OPCML: variants seen among roughly 807,000 people sequenced by gnomAD.
OPCML encodes opioid-binding protein/cell adhesion molecule.
OPCML carries 13 observed loss-of-function variants against 37.8 expected under a neutral mutation model. That is an observed-to-expected ratio of 0.34 (90% confidence interval 0.22 to 0.55). The LOEUF is 0.55. Ranked by LOEUF, OPCML falls within the 20% of genes least tolerant of loss-of-function variation. OPCML has a pLI of 0.91. For missense variants in OPCML, 341 were observed against 435.6 expected, an observed-to-expected ratio of 0.78 and a Z score of 1.93; for synonymous variants, 176 against 168.8, an observed-to-expected ratio of 1.04 and a Z score of -0.33.
Position 132,688,867 on chromosome 11 carries a change from G to C in OPCML, c.147-31548C>G, listed in dbSNP as rs1294238288. Reference sequence around the variant, plus strand: ...CGGGAGGCTGAGGCAGGAGAATGGCGTGAACCCGGGAAGCGGAGCTTGCAG... The same window carrying C: ...CGGGAGGCTGAGGCAGGAGAATGGCCTGAACCCGGGAAGCGGAGCTTGCAG... On this transcript the variant is annotated intron_variant, in intron 2 of 7. Coordinates refer to ENST00000524381, the MANE Select transcript of OPCML (RefSeq NM_001012393.5). 3.6e-5 allele frequency among the ~76,000 whole-genome samples: 2 copies of C among 55,406 alleles called. 1 individual carries two copies. The highest frequency in any genetic ancestry group is 7.1e-5 in the Non-Finnish European group (2 of 28,120). 36.3% of individuals were successfully genotyped at this position (55,406 alleles called of 152,430 possible). A position where few individuals can be genotyped will look rare whatever the true frequency, so the allele number is the denominator to read the frequency against.
intron 1 of OPCML, among the ~76,000 whole-genome samples, chr11:133,324,814 A>G (rs910832175): frequency 6.6e-5 from 10 of 152,184 alleles, no homozygotes; most frequent in African/African-American, 2.2e-4. Flanking sequence ...ATGTATAAAT[A>G]TATATTCATA....
rs534656335 is a variant in OPCML, at chr11:132,685,163, C to T, written c.147-27844G>A. 1.3e-3 allele frequency among the ~76,000 whole-genome samples: 193 copies of T among 152,174 alleles called. 1 individual carries two copies. The highest frequency in any genetic ancestry group is 5.6e-3 in the South Asian group (27 of 4,822). On this transcript the variant is annotated intron_variant, in intron 2 of 7. Coordinates refer to ENST00000524381, the MANE Select transcript of OPCML (RefSeq NM_001012393.5). Reference sequence around the variant, plus strand: ...TACTCCTAATCAAGCTTTTTCTTGCCCTGTCATCTCCATGCCAATAGTCTA... The same window carrying T: ...TACTCCTAATCAAGCTTTTTCTTGCTCTGTCATCTCCATGCCAATAGTCTA...
intron 4 of OPCML, among the ~76,000 whole-genome samples, chr11:132,480,717 A>G (rs987875208): frequency 2.6e-5 from 4 of 152,206 alleles, no homozygotes; most frequent in African/African-American, 7.2e-5. Flanking sequence ...CCAATATTCA[A>G]CATTCTTAAA....
chr11:133,093,513 A>G (rs577010796), intron 1 of OPCML, among the ~76,000 whole-genome samples: 1 of 152,290 alleles, frequency 6.6e-6, no homozygotes, highest in Non-Finnish European at 1.5e-5. Flanking sequence ...GCACAAACGT[A>G]GGTAATTTAT....
At chr11:133,107,033 G>A (rs1949170168) in intron 1 of OPCML, among the ~76,000 whole-genome samples, 1 of 152,162 alleles carries the variant, frequency 6.6e-6, no homozygotes, top group African/African-American at 2.4e-5. Flanking sequence ...TGGAATCAGG[G>A]AAAACAAGGC....
At chr11:133,031,925 C>A (rs925983017) in intron 1 of OPCML, among the ~76,000 whole-genome samples, 3 of 152,166 alleles carry the variant, frequency 2.0e-5, no homozygotes, top group Admixed American at 6.5e-5. Flanking sequence ...CTCTTCTATG[C>A]CAAACACAGT....
At chr11:133,196,583 T>C (rs187948446) in intron 1 of OPCML, among the ~76,000 whole-genome samples, 1 of 152,320 alleles carries the variant, frequency 6.6e-6, no homozygotes, top group East Asian at 1.9e-4. Context: ...TGCCCCTTAA[T>C]AGCACTGCTC....
chr11:132,768,343 A>G (rs1946526521), intron 2 of OPCML, among the ~76,000 whole-genome samples: 1 of 152,134 alleles, frequency 6.6e-6, no homozygotes, highest in Non-Finnish European at 1.5e-5. Context: ...TCTCTACATG[A>G]CACTATCAAC....
At chr11:133,244,885 G>A (rs1371813732) in intron 1 of OPCML, among the ~76,000 whole-genome samples, 2 of 152,214 alleles carry the variant, frequency 1.3e-5, no homozygotes, top group East Asian at 1.9e-4. Flanking sequence ...ATAGCAGTGT[G>A]AGAATGGACT....
At chr11:133,226,380 C>T (rs1472260844) in intron 1 of OPCML, among the ~76,000 whole-genome samples, 1 of 152,234 alleles carries the variant, frequency 6.6e-6, no homozygotes, top group Non-Finnish European at 1.5e-5. Context: ...CCAGCCAGGA[C>T]AGAGCCCCCT....
chr11:133,353,082 G>T (rs964228861), intron 1 of OPCML, among the ~76,000 whole-genome samples: 7 of 152,114 alleles, frequency 4.6e-5, no homozygotes, highest in Non-Finnish European at 7.4e-5. Context: ...AAGGTTAAAG[G>T]TTTCATTCTC....
chr11:133,504,711 A>T (rs886638910), intron 1 of OPCML, among the ~76,000 whole-genome samples: 1 of 152,222 alleles, frequency 6.6e-6, no homozygotes, highest in Non-Finnish European at 1.5e-5. Flanking sequence ...CTAGCAGATA[A>T]CAAGGGAGAT....
chr11:132,892,278 A>C (rs1943680074), intron 2 of OPCML, among the ~76,000 whole-genome samples: 1 of 152,220 alleles, frequency 6.6e-6, no homozygotes, highest in Admixed American at 6.5e-5. Context: ...AGGCATATCC[A>C]GGAGACAGAA....
rs552982636 is a variant in OPCML, at chr11:133,221,827, C to T, written c.62-278817G>A. On this transcript the variant is annotated intron_variant, in intron 1 of 7. Coordinates refer to ENST00000524381, the MANE Select transcript of OPCML (RefSeq NM_001012393.5). ...TTACACAACTCAGATTTCCTGTTAG[C>T]CAATCAGACTGATGTTGTGATCTCA... Among the ~76,000 whole-genome samples the T allele has an allele frequency of 5.9e-5, 9 of 152,266 alleles. No homozygotes were observed. In the East Asian group the frequency reaches 1.7e-3, roughly 29 times the overall value.
chr11:133,303,818 A>G (rs966034650), intron 1 of OPCML, among the ~76,000 whole-genome samples: 1 of 152,216 alleles, frequency 6.6e-6, no homozygotes, highest in African/African-American at 2.4e-5. Context: ...TTGAATAGAA[A>G]AAAAGTTGCA....
intron 1 of OPCML, among the ~76,000 whole-genome samples, chr11:133,000,505 G>A (rs1473921572): frequency 1.3e-5 from 2 of 152,200 alleles, no homozygotes; most frequent in Non-Finnish European, 2.9e-5. Flanking sequence ...TAGGCAGTAT[G>A]CCATGTTTAA....
chr11:133,337,343 A>G (rs1446507465), intron 1 of OPCML, among the ~76,000 whole-genome samples: 2 of 152,194 alleles, frequency 1.3e-5, no homozygotes, highest in African/African-American at 2.4e-5. Flanking sequence ...CAGTGCTGCT[A>G]TTGATCAATA....
intron 1 of OPCML, among the ~76,000 whole-genome samples, chr11:133,029,477 C>T (rs915507177): frequency 6.6e-6 from 1 of 152,124 alleles, no homozygotes; most frequent in African/African-American, 2.4e-5. Flanking sequence ...CCTCGGTGCC[C>T]AGCAATGGTG....
chr11:133,074,105 C>T (rs1477546865), intron 1 of OPCML, among the ~76,000 whole-genome samples: 1 of 152,164 alleles, frequency 6.6e-6, no homozygotes, highest in East Asian at 1.9e-4. Flanking sequence ...TTTACAGAGC[C>T]CTTGGGGCCA....
Sources: gnomAD v4.1 joint callset for allele counts (sites outside exome capture counted in the v4.1 genomes callset) on GRCh38, gnomAD v4.1.1 for gene constraint, MANE v1.5 for transcripts, NCBI Gene and HGNC (gene_info 2026-07-23, HGNC 2026-07-21) for gene names.